Variants in GPHN observed in about 807,000 individuals in gnomAD.
GPHN encodes gephyrin.
GPHN carries 17 observed loss-of-function variants against 95.5 expected under a neutral mutation model. That is an observed-to-expected ratio of 0.18 (90% confidence interval 0.12 to 0.27). The LOEUF (loss-of-function observed/expected upper bound fraction) is 0.27, where lower values mean the gene tolerates loss of function less well. Ranked by LOEUF, GPHN falls within the 10% of genes least tolerant of loss-of-function variation. The pLI, the probability that GPHN is intolerant of heterozygous loss-of-function variation, is 1.00. For missense variants in GPHN, 660 were observed against 978.1 expected (o/e 0.67, Z 4.34); for synonymous variants, 320 against 322.5 (o/e 0.99, Z 0.08).
the GPHN span, among the ~76,000 whole-genome samples, chr14:67,556,785 AT>A: frequency 6.6e-6 from 1 of 152,214 alleles, no homozygotes; most frequent in Non-Finnish European, 1.5e-5. Flanking sequence ...ATGATGCACC[AT>A]TTCCACTTGG....
intron 2 of GPHN, among the ~76,000 whole-genome samples, chr14:66,776,213 A>G (rs1027158118): frequency 7.2e-5 from 11 of 152,184 alleles, no homozygotes; most frequent in African/African-American, 1.9e-4. Context: ...CATTATTAAA[A>G]TCATCAATAA....
the GPHN span, chr14:67,685,299 AC>A: frequency 1.1e-4 from 101 of 930,208 alleles, no homozygotes; most frequent in African/African-American, 1.5e-3. Flanking sequence ...TGTGACCTTC[AC>A]ATATGGACTC....
chr14:67,448,860 G>A, the GPHN span, among the ~76,000 whole-genome samples: 1 of 152,174 alleles, frequency 6.6e-6, no homozygotes, highest in East Asian at 1.9e-4. Flanking sequence ...GGTAGAATTG[G>A]AGGAAGTGGG....
intron 1 of GPHN, among the ~76,000 whole-genome samples, chr14:66,534,818 A>G (rs2059077627): frequency 6.6e-6 from 1 of 152,072 alleles, no homozygotes; most frequent in South Asian, 2.1e-4. Flanking sequence ...TTAATTTTTG[A>G]CATATTTTAA....
At chr14:67,562,593 C>A in the GPHN span, 3 of 1,612,814 alleles carry the variant, frequency 1.9e-6, no homozygotes, top group South Asian at 2.2e-5. Context: ...CCTGGCACCC[C>A]GCGGGACAGC....
chr14:66,611,918 A>G (rs2153281617), intron 1 of GPHN, among the ~76,000 whole-genome samples: 1 of 152,244 alleles, frequency 6.6e-6, no homozygotes, highest in East Asian at 1.9e-4. Context: ...ACAAACTTGA[A>G]TATGTAGAAT....
intron 9 of GPHN, among the ~76,000 whole-genome samples, chr14:66,995,086 C>G (rs974007065): frequency 6.6e-6 from 1 of 152,054 alleles, no homozygotes; most frequent in South Asian, 2.1e-4. Flanking sequence ...CCCACCGTAC[C>G]TTTGTGTTTT....
the GPHN span, among the ~76,000 whole-genome samples, chr14:67,433,850 T>A: frequency 6.6e-6 from 1 of 152,218 alleles, no homozygotes; most frequent in African/African-American, 2.4e-5. Context: ...ATCGTCTAAG[T>A]GGGTCATAAA....
chr14:67,335,985 GC>G, the GPHN span, among the ~76,000 whole-genome samples: 1 of 152,076 alleles, frequency 6.6e-6, no homozygotes, highest in Non-Finnish European at 1.5e-5. Flanking sequence ...CCCCCTGTTG[GC>G]ACAGGTATAG....
rs79705916 is a variant in GPHN, at chr14:66,730,735, C to T, written c.144-45729C>T. 6.6e-5 allele frequency among the ~76,000 whole-genome samples: 10 copies of T among 152,236 alleles called. No individual in the cohort carries two copies. In the East Asian group the frequency reaches 1.9e-3, roughly 29 times the overall value. ...ATACTTATCAGCTAATTGAAAGCTC[C>T]TTGAGAGGAATATTTAATGGTTTAA... On this transcript the variant is annotated intron_variant, in intron 2 of 22. Coordinates refer to ENST00000478722, the MANE Select transcript of GPHN (RefSeq NM_020806.5).
intron 19 of GPHN, among the ~76,000 whole-genome samples, chr14:67,163,590 G>A (rs1009716625): frequency 2.6e-5 from 4 of 152,108 alleles, no homozygotes; most frequent in African/African-American, 9.7e-5. Flanking sequence ...CTGTATTACA[G>A]CAGAGTAGTA....
chr14:66,788,440 AATG>A (rs1462869516), intron 3 of GPHN, among the ~76,000 whole-genome samples: 1 of 152,262 alleles, frequency 6.6e-6, no homozygotes, highest in Non-Finnish European at 1.5e-5. Flanking sequence ...TATAATTATT[AATG>A]ATAACATACT....
At chr14:67,497,354 C>G in the GPHN span, among the ~76,000 whole-genome samples, 7 of 152,072 alleles carry the variant, frequency 4.6e-5, no homozygotes, top group Admixed American at 3.9e-4. Flanking sequence ...ATACAAATAC[C>G]GAGACACTGT....
At chr14:67,204,911 A>T in the GPHN span, 12 of 1,611,174 alleles carry the variant, frequency 7.4e-6, no homozygotes, top group African/African-American at 1.4e-5. Context: ...GACATCACAG[A>T]TGTCACAGAT....
intron 10 of GPHN, among the ~76,000 whole-genome samples, chr14:67,038,664 C>A (rs923102422): frequency 6.6e-6 from 1 of 152,128 alleles, no homozygotes; most frequent in Non-Finnish European, 1.5e-5. Context: ...AGCCTGACTT[C>A]TCTTCCAAGC....
the GPHN span, among the ~76,000 whole-genome samples, chr14:67,408,084 C>T: frequency 5.3e-5 from 8 of 152,090 alleles, no homozygotes; most frequent in South Asian, 1.7e-3. Flanking sequence ...GTTGGGAGTT[C>T]AAGACCAGCC....
Position 66,633,426 on chromosome 14 carries a change from T to C in GPHN, c.65-47681T>C, listed in dbSNP as rs78845496. On this transcript the variant is annotated intron_variant, in intron 1 of 22. Transcript: ENST00000478722. ...TTAGTTTTACCAAACTTCAACCTTA[T>C]ATAAATGGAATTTTGCATTTTACTG... Among the ~76,000 whole-genome samples, 555 of 152,334 alleles carry C rather than the reference T, an allele frequency of 3.6e-3. 12 individuals carry two copies. The highest frequency in any genetic ancestry group is 0.013 in the African/African-American group (528 of 41,584).
intron 9 of GPHN, among the ~76,000 whole-genome samples, chr14:66,965,708 G>A (rs893013722): frequency 6.6e-6 from 1 of 152,102 alleles, no homozygotes; most frequent in Non-Finnish European, 1.5e-5. Context: ...GTCACCAAAG[G>A]GATTTCTTTA....
the GPHN span, among the ~76,000 whole-genome samples, chr14:67,667,409 T>A: frequency 6.6e-6 from 1 of 152,152 alleles, no homozygotes; most frequent in Non-Finnish European, 1.5e-5. Context: ...TCCCACACCA[T>A]ACAAGAGTTA....
Sources: allele counts gnomAD v4.1 joint callset (sites outside exome capture counted in the v4.1 genomes callset), GRCh38; gene constraint gnomAD v4.1.1; transcripts MANE v1.5; gene names NCBI Gene and HGNC (gene_info 2026-07-23, HGNC 2026-07-21).